Variants in AXDND1 observed in about 807,000 individuals in gnomAD.
AXDND1 encodes axonemal dynein light chain domain-containing protein 1.
AXDND1 carries 110 observed loss-of-function variants against 137.5 expected under a neutral mutation model. That is an observed-to-expected ratio of 0.80 (90% CI 0.69 to 0.94). AXDND1 has a LOEUF of 0.94. Ranked by LOEUF, AXDND1 falls within the 40% of genes least tolerant of loss-of-function variation. AXDND1 has a pLI of 0.00. For missense variants in AXDND1, 1,191 were observed against 1,169.8 expected, an observed-to-expected ratio of 1.02 and a Z score of -0.26; for synonymous variants, 414 against 399.7, an observed-to-expected ratio of 1.04 and a Z score of -0.43.
intron 16 of AXDND1, chr1:179,451,035 A>T (rs1442153222): frequency 6.6e-6 from 1 of 152,188 alleles, no homozygotes. Context: ...AGATATATTT[A>T]TCTGTAGCTT....
intron 16 of AXDND1, among the ~76,000 whole-genome samples, chr1:179,460,869 A>G (rs1662221173): frequency 6.6e-6 from 1 of 152,170 alleles, no homozygotes; most frequent in Non-Finnish European, 1.5e-5. Context: ...GTGTCTGTTC[A>G]TATCCTTCGC....
intron 2 of AXDND1, among the ~76,000 whole-genome samples, chr1:179,368,055 C>T (rs16854006): frequency 0.12 from 17,818 of 151,776 alleles, 1,726 homozygotes; most frequent in African/African-American, 0.26. Context: ...TGATAGTAAT[C>T]AAAGCATGAT....
chr1:179,541,156 C>T (rs1446703283), intron 25 of AXDND1, among the ~76,000 whole-genome samples: 1 of 152,224 alleles, frequency 6.6e-6, no homozygotes, highest in East Asian at 1.9e-4. Flanking sequence ...AGGGAATCTC[C>T]TGGTCTGTGG....
intron 17 of AXDND1, among the ~76,000 whole-genome samples, chr1:179,480,547 T>G (rs754813121): frequency 1.2e-4 from 18 of 152,268 alleles, no homozygotes; most frequent in Non-Finnish European, 2.2e-4. Flanking sequence ...TACTTTGAAG[T>G]TTTTGAAAAA....
rs182191601 is a variant in AXDND1, at chr1:179,498,691, C to T, written c.2388+5740C>T. 3.3e-5 allele frequency among the ~76,000 whole-genome samples: 5 copies of T among 152,114 alleles called. No individual in the cohort carries two copies. The East Asian group carries it at 9.6e-4, about 29-fold the overall frequency. ...TGCAAACTATGTGTCTGACAAAGGC[C>T]TAATATCTAGAATCTATAGGGAACT... On this transcript the variant is annotated intron_variant, in intron 20 of 25. Transcript: ENST00000367618.
intron 18 of AXDND1, among the ~76,000 whole-genome samples, chr1:179,490,856 CTG>C (rs966405108): frequency 4.6e-5 from 7 of 151,142 alleles, no homozygotes; most frequent in African/African-American, 7.3e-5. Flanking sequence ...AAGTTGAAAA[CTG>C]TGAATTGTGT....
At position 179,534,729 on chromosome 1, in the gene AXDND1, G is replaced by A. The variant is rs994423410; in HGVS notation, c.2799-1G>A. ...TTGTTGTGTCTTCTCTTCCATATCA[G>A]GGAGGTTGAAAATAGAGCCAGACAG... is the stretch of plus-strand genomic sequence containing the variant. On this transcript the variant is annotated splice_acceptor_variant, in intron 24 of 25. Coordinates refer to ENST00000367618, the MANE Select transcript of AXDND1 (RefSeq NM_144696.6). LOFTEE classifies it high-confidence loss of function. 13 of 1,573,284 alleles carry A rather than the reference G, an allele frequency of 8.3e-6. No homozygotes were observed. Among genetic ancestry groups the A allele is most frequent in the Non-Finnish European group, 1.0e-5 (12 of 1,169,294 alleles).
rs577476003 is a variant in AXDND1, at chr1:179,409,800, C to T, written c.1110-1346C>T. 1.4e-4 allele frequency among the ~76,000 whole-genome samples: 21 copies of T among 151,844 alleles called. No homozygotes were observed. In the East Asian group the frequency reaches 1.5e-3, roughly 11 times the overall value. ...TGCACTCCAGCCTGGGGGACAAGAG[C>T]GAAACTCTGTTTCAAAACAACAAAA... On this transcript the variant is annotated intron_variant, in intron 11 of 25. Coordinates refer to ENST00000367618, the MANE Select transcript of AXDND1 (RefSeq NM_144696.6).
At chr1:179,404,554 A>G (rs1225663481) in intron 11 of AXDND1, among the ~76,000 whole-genome samples, 2 of 152,140 alleles carry the variant, frequency 1.3e-5, no homozygotes, top group African/African-American at 4.8e-5. Flanking sequence ...ATCTCCAAAA[A>G]ATGTTCAAAT....
At chr1:179,541,662 TG>T (rs1472855393) in intron 25 of AXDND1, among the ~76,000 whole-genome samples, 6 of 137,754 alleles carry the variant, frequency 4.4e-5, no homozygotes, top group Non-Finnish European at 5.1e-5. Context: ...AATATATGCA[TG>T]ATAATATGCA....
intron 3 of AXDND1, 101 bp downstream of exon 3, chr1:179,369,073 C>T (rs1237310119): frequency 1.6e-6 from 2 of 1,229,604 alleles, no homozygotes; most frequent in South Asian, 1.6e-5. Flanking sequence ...TCCAGATAGC[C>T]TTAAAAATTT....
intron 20 of AXDND1, among the ~76,000 whole-genome samples, chr1:179,497,443 A>G (rs1448001914): frequency 1.3e-5 from 2 of 152,170 alleles, no homozygotes; most frequent in Middle Eastern, 3.2e-3. Flanking sequence ...AAAGCTTTCA[A>G]TAAAATCCAA....
rs192013532 is a variant in AXDND1 at position 179,433,336 on chromosome 1, T to G, written c.1563+994T>G. ...ATAGCTCCTGGATTCATTGATTCTT[T>G]GAAGGGTTTTTCACATCTCTATTTC... is the stretch of plus-strand genomic sequence containing the variant. On this transcript the variant is annotated intron_variant, in intron 15 of 25. Transcript: ENST00000367618. 5.3e-3 allele frequency among the ~76,000 whole-genome samples: 804 copies of G among 152,310 alleles called. 9 individuals carry two copies. Among genetic ancestry groups the G allele is most frequent in the African/African-American group, 0.019 (780 of 41,568 alleles).
chr1:179,379,578 G>C, intron 6 of AXDND1, 96 bp downstream of exon 6: 1 of 1,484,848 alleles, frequency 6.7e-7, no homozygotes, highest in South Asian at 1.3e-5. Flanking sequence ...TGGATCATCT[G>C]AGGTCAGGAG....
chr1:179,528,296 G>A, intron 22 of AXDND1, 31 bp from the exon 23 acceptor site: 2 of 1,533,412 alleles, frequency 1.3e-6, no homozygotes, highest in Non-Finnish European at 1.8e-6. Flanking sequence ...ACACCAGCTT[G>A]CTAACAGGTC....
At chr1:179,493,641 A>G (rs1337296317) in intron 20 of AXDND1, among the ~76,000 whole-genome samples, 1 of 152,218 alleles carries the variant, frequency 6.6e-6, no homozygotes, top group Non-Finnish European at 1.5e-5. Flanking sequence ...AAGCTCTAGT[A>G]TTCATTAGTA....
chr1:179,531,618 T>A (rs542681899), intron 23 of AXDND1, among the ~76,000 whole-genome samples: 2 of 152,220 alleles, frequency 1.3e-5, no homozygotes, highest in South Asian at 4.2e-4. Flanking sequence ...TGATTGATAT[T>A]TGGGGATATT....
chr1:179,381,504 C>T (rs1648306784), intron 6 of AXDND1, among the ~76,000 whole-genome samples: 1 of 150,978 alleles, frequency 6.6e-6, no homozygotes. Context: ...CCACCATGCC[C>T]AGCTAATTTT....
intron 21 of AXDND1, among the ~76,000 whole-genome samples, chr1:179,523,181 G>C (rs1406870131): frequency 6.7e-6 from 1 of 150,288 alleles, no homozygotes; most frequent in Non-Finnish European, 1.5e-5. Context: ...TTTTTTCAGA[G>C]GTTTGAAAAT....
Sources: gnomAD v4.1 joint callset for allele counts (sites outside exome capture counted in the v4.1 genomes callset) on GRCh38, gnomAD v4.1.1 for gene constraint, MANE v1.5 for transcripts, NCBI Gene and HGNC (gene_info 2026-07-23, HGNC 2026-07-21) for gene names.